The following FGF7 variants were observed in gnomAD, a reference collection of about 807,000 sequenced individuals.
FGF7 encodes the protein fibroblast growth factor 7.
FGF7 carries 6 observed loss-of-function variants against 20.5 expected under a neutral mutation model. The observed-to-expected ratio is 0.29, with a 90% CI of 0.16 to 0.58. The LOEUF is 0.58. Among genes scored for constraint, FGF7 ranks in the 20% least tolerant of loss-of-function variants. The probability of loss-of-function intolerance (pLI) is 0.90; values close to 1 mark genes in which losing one functional copy is unlikely to be tolerated. For missense variants in FGF7, 144 were observed against 228.8 expected, an observed-to-expected ratio of 0.63 and a Z score of 2.39; for synonymous variants, 64 against 74.7, an observed-to-expected ratio of 0.86 and a Z score of 0.74.
At chr15:49,475,472 G>A (rs920189539) in intron 2 of FGF7, among the ~76,000 whole-genome samples, 2 of 152,152 alleles carry the variant, frequency 1.3e-5, no homozygotes, top group African/African-American at 4.8e-5. Flanking sequence ...ATGGGAGCCT[G>A]TGAAAATTTC....
chr15:49,458,065 T>C (rs1010429825), intron 2 of FGF7, among the ~76,000 whole-genome samples: 1 of 151,922 alleles, frequency 6.6e-6, no homozygotes, highest in Non-Finnish European at 1.5e-5. Flanking sequence ...ACATAAAACA[T>C]GTAAAAATTC....
chr15:49,469,109 C>T (rs1321692663), intron 2 of FGF7, among the ~76,000 whole-genome samples: 1 of 152,008 alleles, frequency 6.6e-6, no homozygotes. Flanking sequence ...ATAAATGACT[C>T]ATAAAACATC....
In FGF7 at chr15:49,453,971, A is replaced by C. The variant is rs568572750; in HGVS notation, c.287-29180A>C. On this transcript the variant is annotated intron_variant, in intron 2 of 3. Transcript: ENST00000267843. The stretch of plus-strand genomic sequence containing the variant: ...CAAGTCCTACTATTCTATCACTTGA[A>C]ATGTGATAGAACATTTTAATATTCT... Among the ~76,000 whole-genome samples the C allele has an allele frequency of 8.9e-4, 136 of 152,270 alleles. 5 individuals are homozygous for C. The South Asian group carries it at 0.027, about 30-fold the overall frequency.
At position 49,444,719 on chromosome 15, in the gene FGF7, C is replaced by G. The variant is rs1399142916; in HGVS notation, c.286+20136C>G. On this transcript the variant is annotated intron_variant, in intron 2 of 3. Coordinates refer to ENST00000267843, the MANE Select transcript of FGF7 (RefSeq NM_002009.4). Reference sequence around the variant, plus strand: ...TGTGCATATGTTCCGGGGTCTGTCTCAAAGGCTAGAAATAAATTGCAAATA... The same window carrying G: ...TGTGCATATGTTCCGGGGTCTGTCTGAAAGGCTAGAAATAAATTGCAAATA... Among the ~76,000 whole-genome samples the G allele has an allele frequency of 2.0e-4, 30 of 151,744 alleles. 1 individual carries two copies. Among genetic ancestry groups the G allele is most frequent in the Non-Finnish European group, 1.2e-4 (8 of 67,750 alleles).
At chr15:49,460,594 C>T (rs1266365348) in intron 2 of FGF7, among the ~76,000 whole-genome samples, 2 of 152,036 alleles carry the variant, frequency 1.3e-5, no homozygotes, top group African/African-American at 4.8e-5. Context: ...CTGGCCAATC[C>T]CAAAAATGTT....
intron 2 of FGF7, among the ~76,000 whole-genome samples, chr15:49,461,219 T>C (rs965834658): frequency 3.3e-5 from 5 of 152,190 alleles, no homozygotes; most frequent in African/African-American, 1.2e-4. Context: ...GAGTCTTCCT[T>C]GTCATTTGGG....
In FGF7 at chr15:49,487,404, C is replaced by A. The variant is rs1450754683; in HGVS notation, c.*2900C>A. 1 of 147,700 alleles carries A rather than the reference C, an allele frequency of 6.8e-6. No individual in the cohort carries two copies. Among genetic ancestry groups the A allele is most frequent in the Non-Finnish European group, 1.5e-5 (1 of 66,874 alleles). The allele number at this position is 147,700 out of a possible 1,614,324, so 9.1% of individuals were successfully genotyped here. A position where few individuals can be genotyped will look rare whatever the true frequency, so the allele number is the denominator to read the frequency against. The stretch of plus-strand genomic sequence containing the variant: ...CAAAGCAGTGAACAAAACATTTTGA[C>A]ATAAGCCATAATATAAATTATAATA... On this transcript the variant is annotated 3_prime_UTR_variant, in exon 4 of 4. Coordinates refer to ENST00000267843, the MANE Select transcript of FGF7 (RefSeq NM_002009.4).
chr15:49,466,310 T>C (rs1472931495), intron 2 of FGF7, among the ~76,000 whole-genome samples: 1 of 152,200 alleles, frequency 6.6e-6, no homozygotes. Flanking sequence ...ATTTGGGAAG[T>C]ACTTGAGTAG....
In FGF7 at chr15:49,424,822, T is replaced by C. The variant is rs572105913; in HGVS notation, c.286+239T>C. 236 of 307,848 alleles carry C rather than the reference T, an allele frequency of 7.7e-4. 7 individuals carry two copies. In the South Asian group the frequency reaches 0.026, roughly 34 times the overall value. The allele number at this position is 307,848 out of a possible 1,614,324, so 19.1% of individuals were successfully genotyped here. A position where few individuals can be genotyped will look rare whatever the true frequency, so the allele number is the denominator to read the frequency against. ...TCCAAGCCAATTTGAAAATATATAC[T>C]CCTTGTCCTGAAAATGCTCATAAGT... On this transcript the variant is annotated intron_variant, in intron 2 of 3. Coordinates refer to ENST00000267843, the MANE Select transcript of FGF7 (RefSeq NM_002009.4).
chr15:49,483,963 A>C (rs1183219475), intron 3 of FGF7, among the ~76,000 whole-genome samples: 2 of 152,054 alleles, frequency 1.3e-5, no homozygotes, highest in African/African-American at 4.8e-5. Context: ...CCAAATTTCC[A>C]GTGGTTAAAG....
intron 2 of FGF7, among the ~76,000 whole-genome samples, chr15:49,468,582 G>C (rs1273278576): frequency 6.6e-6 from 1 of 152,052 alleles, no homozygotes. Flanking sequence ...TGGACTTCAG[G>C]GTTCATGGGA....
chr15:49,480,377 G>A (rs1049538299), intron 2 of FGF7, among the ~76,000 whole-genome samples: 1 of 151,776 alleles, frequency 6.6e-6, no homozygotes, highest in Non-Finnish European at 1.5e-5. Flanking sequence ...GTGTGACCTC[G>A]GCTCATTGCA....
intron 2 of FGF7, among the ~76,000 whole-genome samples, chr15:49,453,360 T>G (rs545019317): frequency 1.7e-4 from 26 of 152,260 alleles, no homozygotes; most frequent in African/African-American, 6.3e-4. Context: ...CACCTCCGCC[T>G]CCCAAAGTGT....
At chr15:49,475,961 T>C (rs542169629) in intron 2 of FGF7, among the ~76,000 whole-genome samples, 5 of 152,306 alleles carry the variant, frequency 3.3e-5, no homozygotes, top group Admixed American at 3.3e-4. Flanking sequence ...TTTTCCACCC[T>C]CTCACTATTT....
intron 2 of FGF7, among the ~76,000 whole-genome samples, chr15:49,454,856 G>A (rs927524115): frequency 1.3e-5 from 2 of 152,036 alleles, no homozygotes; most frequent in African/African-American, 4.8e-5. Context: ...TGATCCGCTC[G>A]CCTCGGCCTC....
intron 2 of FGF7, among the ~76,000 whole-genome samples, chr15:49,453,805 C>A (rs143018934): frequency 4.6e-5 from 7 of 152,196 alleles, no homozygotes; most frequent in African/African-American, 1.7e-4. Context: ...AATTTCAGCA[C>A]GTTCCCAATT....
chr15:49,449,102 TCAAA>T (rs71734391), intron 2 of FGF7, among the ~76,000 whole-genome samples: 38,630 of 151,622 alleles, frequency 0.25, 5,229 homozygotes, highest in East Asian at 0.44. Flanking sequence ...AGATAGGAAT[TCAAA>T]CAGAGACTTG....
rs1299801225 is a variant in FGF7 at position 49,424,437 on chromosome 15, C to A, written c.140C>A (p.Ser47Tyr). ...CAAATGGCTACAAATGTGAACTGTT[C>A]CAGCCCTGAGCGACACACAAGAAGT... ...PEQMATNVNCSSPERHTRSYD... is the reference protein window; with the variant it reads ...PEQMATNVNCYSPERHTRSYD... The change falls in exon 2 of 4, where the codon TCC (serine) becomes TAC (tyrosine). Residue 47 changes from serine (S) to tyrosine (Y), a missense_variant. This residue lies in a region of FGF7 where 88 missense variants were observed against 103.4 expected (regional missense o/e 0.85). Transcript: ENST00000267843. The A allele has an allele frequency of 6.2e-6, 10 of 1,613,530 alleles. No individual in the cohort carries two copies. Among genetic ancestry groups the A allele is most frequent in the Non-Finnish European group, 8.5e-6 (10 of 1,179,656 alleles).
chr15:49,446,158 T>C (rs766136881), intron 2 of FGF7, among the ~76,000 whole-genome samples: 9 of 151,614 alleles, frequency 5.9e-5, no homozygotes, highest in South Asian at 2.1e-4. Flanking sequence ...ACAATTTTCA[T>C]TGAGGAAGGC....
Sources: gnomAD v4.1 joint callset for allele counts (sites outside exome capture counted in the v4.1 genomes callset) on GRCh38, gnomAD v4.1.1 for gene constraint, gnomAD v4.1.1 regional missense constraint, MANE v1.5 for transcripts, NCBI Gene and HGNC (gene_info 2026-07-23, HGNC 2026-07-21) for gene names.